Variants in KLHL1 observed in about 807,000 individuals in gnomAD.
The protein encoded by KLHL1 is kelch like family member 1.
A neutral mutation model predicts 77.7 loss-of-function variants in KLHL1; 47 were observed. That is an observed-to-expected ratio of 0.60 (90% confidence interval 0.48 to 0.77). The LOEUF is 0.77. Among genes scored for constraint, KLHL1 ranks in the 30% least tolerant of loss-of-function variants. The pLI, the probability that KLHL1 is intolerant of heterozygous loss-of-function variation, is 0.00. For synonymous variants in KLHL1, 360 were observed against 325.2 expected, an observed-to-expected ratio of 1.11 and a Z score of -1.15; for missense variants, 925 against 910.8, an observed-to-expected ratio of 1.02 and a Z score of -0.20.
chr13:69,896,590 T>C (rs2138218547), intron 4 of KLHL1, among the ~76,000 whole-genome samples: 1 of 152,262 alleles, frequency 6.6e-6, no homozygotes, highest in South Asian at 2.1e-4. Context: ...AATACAAATG[T>C]ATCATATATG....
At chr13:69,706,384 T>G (rs1240398863) in intron 10 of KLHL1, among the ~76,000 whole-genome samples, 2 of 151,940 alleles carry the variant, frequency 1.3e-5, no homozygotes, top group Non-Finnish European at 2.9e-5. Context: ...GAATTTGGTT[T>G]TGTACTCCGA....
At chr13:69,965,274 C>T (rs1593631486) in intron 2 of KLHL1, among the ~76,000 whole-genome samples, 1 of 152,278 alleles carries the variant, frequency 6.6e-6, no homozygotes, top group Middle Eastern at 3.4e-3. Flanking sequence ...GGGCTCACTT[C>T]ATGTATCTTG....
intron 6 of KLHL1, among the ~76,000 whole-genome samples, chr13:69,828,595 A>G (rs1878637003): frequency 6.7e-6 from 1 of 150,144 alleles, no homozygotes; most frequent in Non-Finnish European, 1.5e-5. Flanking sequence ...GGCTAAAGCA[A>G]GTGGGGAGGG....
intron 1 of KLHL1, among the ~76,000 whole-genome samples, chr13:70,027,775 T>G (rs1308843814): frequency 1.3e-5 from 2 of 151,840 alleles, no homozygotes; most frequent in East Asian, 3.9e-4. Context: ...CCTCTGAGAT[T>G]TGGGGATTTA....
At chr13:69,982,483 AT>A (rs1158589113) in intron 1 of KLHL1, among the ~76,000 whole-genome samples, 54 of 148,290 alleles carry the variant, frequency 3.6e-4, no homozygotes, top group African/African-American at 1.3e-3. Flanking sequence ...TAATAATAAA[AT>A]AAAAAGCAAT....
At chr13:70,055,996 T>G (rs1886735316) in intron 1 of KLHL1, among the ~76,000 whole-genome samples, 1 of 151,978 alleles carries the variant, frequency 6.6e-6, no homozygotes, top group Non-Finnish European at 1.5e-5. Context: ...TAAATATAAA[T>G]GGACTGAACT....
intron 4 of KLHL1, among the ~76,000 whole-genome samples, chr13:69,884,772 A>G (rs1291738639): frequency 6.6e-6 from 1 of 152,146 alleles, no homozygotes; most frequent in Non-Finnish European, 1.5e-5. Context: ...TGGATGTTGT[A>G]AATTATGAAA....
chr13:69,993,008 A>G (rs1013914384), intron 1 of KLHL1, among the ~76,000 whole-genome samples: 1 of 152,014 alleles, frequency 6.6e-6, no homozygotes, highest in African/African-American at 2.4e-5. Context: ...CATCCCAGAT[A>G]AAAATTAAAC....
At chr13:70,012,936 C>T (rs1166194398) in intron 1 of KLHL1, among the ~76,000 whole-genome samples, 1 of 151,752 alleles carries the variant, frequency 6.6e-6, no homozygotes, top group Non-Finnish European at 1.5e-5. Context: ...ATATCAAACT[C>T]TATAATATAC....
Position 69,723,265 on chromosome 13 carries a change from G to GA in KLHL1, c.1803-3685dup, listed in dbSNP as rs556800556. On this transcript the variant is annotated intron_variant, in intron 8 of 10. Coordinates refer to ENST00000377844, the MANE Select transcript of KLHL1 (RefSeq NM_020866.3). ...ACTTTTGGTACTCTATTGCACATTA[G>GA]AGTGACTACGACTAACAATAATGCA... is the stretch of plus-strand genomic sequence containing the variant. 1.1e-4 allele frequency among the ~76,000 whole-genome samples: 16 copies of GA among 152,180 alleles called. No individual in the cohort carries two copies. The South Asian group carries it at 2.5e-3, about 24-fold the overall frequency.
intron 5 of KLHL1, among the ~76,000 whole-genome samples, chr13:69,845,890 T>C (rs1312318517): frequency 1.3e-5 from 2 of 151,066 alleles, no homozygotes; most frequent in African/African-American, 4.8e-5. Flanking sequence ...TGTCGATATT[T>C]GAAAAAAAAT....
At chr13:69,834,495 T>G (rs1399692746) in intron 6 of KLHL1, among the ~76,000 whole-genome samples, 1 of 152,032 alleles carries the variant, frequency 6.6e-6, no homozygotes, top group Non-Finnish European at 1.5e-5. Context: ...AAGGTGAATT[T>G]CACATTCACA....
intron 4 of KLHL1, among the ~76,000 whole-genome samples, chr13:69,926,970 A>AAAAAT (rs1882838565): frequency 6.8e-6 from 1 of 146,126 alleles, no homozygotes; most frequent in Non-Finnish European, 1.5e-5. Flanking sequence ...AAAAAAAAAA[A>AAAAAT]GCAGAGAATT....
intron 4 of KLHL1, among the ~76,000 whole-genome samples, chr13:69,906,652 T>G (rs1749948916): frequency 6.6e-6 from 1 of 151,970 alleles, no homozygotes; most frequent in African/African-American, 2.4e-5. Context: ...TTAAATATGG[T>G]TTCTTTAAAG....
chr13:69,762,768 T>C (rs755253781), intron 7 of KLHL1, among the ~76,000 whole-genome samples: 3 of 151,118 alleles, frequency 2.0e-5, no homozygotes, highest in Non-Finnish European at 2.9e-5. Flanking sequence ...AATTTTTTCT[T>C]ATGTCTCTAT....
At position 70,060,341 on chromosome 13, in the gene KLHL1, T is replaced by C. The variant is rs932297484; in HGVS notation, c.497+46862A>G. Among the ~76,000 whole-genome samples, 26 of 152,110 alleles carry C rather than the reference T, an allele frequency of 1.7e-4. 1 individual carries two copies. Among genetic ancestry groups the C allele is most frequent in the Admixed American group, 8.5e-4 (13 of 15,282 alleles). On this transcript the variant is annotated intron_variant, in intron 1 of 10. Transcript: ENST00000377844. Reference sequence around the variant, plus strand: ...GGAATGTAAATTAGTACAACCACTATAGAGAACAGTATGCAGGTTCTGCAA... The same window carrying C: ...GGAATGTAAATTAGTACAACCACTACAGAGAACAGTATGCAGGTTCTGCAA...
intron 7 of KLHL1, among the ~76,000 whole-genome samples, chr13:69,768,271 A>C (rs1265343445): frequency 1.3e-5 from 2 of 152,298 alleles, no homozygotes; most frequent in East Asian, 3.9e-4. Flanking sequence ...TAGAGTATGG[A>C]GTATGTGTCT....
chr13:70,001,580 T>C (rs1885288373), intron 1 of KLHL1, among the ~76,000 whole-genome samples: 1 of 115,674 alleles, frequency 8.6e-6, no homozygotes, highest in East Asian at 2.9e-4. Flanking sequence ...ATGATCTATG[T>C]GTCTATCTAT....
chr13:70,007,971 T>C (rs1030225805), intron 1 of KLHL1, among the ~76,000 whole-genome samples: 2 of 152,014 alleles, frequency 1.3e-5, no homozygotes, highest in Non-Finnish European at 2.9e-5. Flanking sequence ...CATATAAGAT[T>C]ATAAAGTTTA....
Sources: gnomAD v4.1 joint callset for allele counts (sites outside exome capture counted in the v4.1 genomes callset) on GRCh38, gnomAD v4.1.1 for gene constraint, MANE v1.5 for transcripts, NCBI Gene and HGNC (gene_info 2026-07-23, HGNC 2026-07-21) for gene names.